Variants in HECW1 observed in about 807,000 individuals in gnomAD.
HECW1 encodes E3 ubiquitin-protein ligase HECW1.
HECW1 carries 61 observed loss-of-function variants against 182.3 expected under a neutral mutation model. The ratio of observed to expected loss-of-function variants is 0.33; its 90% CI spans 0.27 to 0.41. HECW1 has a LOEUF of 0.41. Among genes scored for constraint, HECW1 ranks in the 10% least tolerant of loss-of-function variants. The pLI is 1.00. For missense variants in HECW1, 1,739 were observed against 2,108.9 expected (o/e 0.82, Z 3.44); for synonymous variants, 859 against 832.6 (o/e 1.03, Z -0.55).
chr7:43,147,463 A>T (rs879910778), intron 2 of HECW1: 1 of 152,220 alleles, frequency 6.6e-6, no homozygotes, highest in African/African-American at 2.4e-5. Context: ...ATGAAATGAA[A>T]CCATAGATAA....
chr7:43,538,714 C>T (rs1381046741), intron 24 of HECW1, among the ~76,000 whole-genome samples: 1 of 152,162 alleles, frequency 6.6e-6, no homozygotes, highest in Non-Finnish European at 1.5e-5. Context: ...TGACCAAAAC[C>T]ATAAAATAGA....
chr7:43,459,491 A>C (rs536519419), intron 13 of HECW1, among the ~76,000 whole-genome samples: 1 of 133,562 alleles, frequency 7.5e-6, no homozygotes, highest in African/African-American at 2.8e-5. Flanking sequence ...TAAGGGAAAT[A>C]GAAGTTTTAA....
At chr7:43,285,426 T>A (rs1403834154) in intron 3 of HECW1, among the ~76,000 whole-genome samples, 1 of 152,130 alleles carries the variant, frequency 6.6e-6, no homozygotes, top group Non-Finnish European at 1.5e-5. Context: ...CCTGCATAGG[T>A]CCATGAGGAT....
At chr7:43,163,390 G>A (rs527867960) in intron 2 of HECW1, among the ~76,000 whole-genome samples, 11 of 152,310 alleles carry the variant, frequency 7.2e-5, no homozygotes, top group Admixed American at 3.9e-4. Flanking sequence ...AGTGACAGAA[G>A]TGCTCATTGT....
intron 3 of HECW1, among the ~76,000 whole-genome samples, chr7:43,273,301 C>T (rs1292304676): frequency 1.3e-5 from 2 of 151,802 alleles, no homozygotes; most frequent in South Asian, 2.1e-4. Flanking sequence ...CAAACCTCCA[C>T]GTGTACCCCT....
intron 6 of HECW1, among the ~76,000 whole-genome samples, chr7:43,361,818 T>C (rs1436161877): frequency 1.4e-4 from 13 of 91,396 alleles, no homozygotes; most frequent in African/African-American, 7.3e-4. Context: ...ACTCTCTCTT[T>C]TTTTTTTTTT....
At chr7:43,368,783 A>C (rs1405014858) in intron 6 of HECW1, among the ~76,000 whole-genome samples, 5 of 152,202 alleles carry the variant, frequency 3.3e-5, no homozygotes, top group African/African-American at 4.8e-5. Context: ...TTCAGCTGCC[A>C]TAGTGTAGGG....
intron 16 of HECW1, among the ~76,000 whole-genome samples, chr7:43,473,115 C>T (rs1030933156): frequency 1.3e-5 from 2 of 152,160 alleles, no homozygotes; most frequent in Non-Finnish European, 2.9e-5. Context: ...TTAGTTCCCT[C>T]TAGAGCTGGT....
chr7:43,307,302 A>G (rs767443444), intron 3 of HECW1, among the ~76,000 whole-genome samples: 1 of 152,218 alleles, frequency 6.6e-6, no homozygotes, highest in Non-Finnish European at 1.5e-5. Flanking sequence ...TGGTCCTCCT[A>G]TCAGTTCATA....
chr7:43,448,482 G>C (rs2077132167), intron 11 of HECW1, among the ~76,000 whole-genome samples: 1 of 152,086 alleles, frequency 6.6e-6, no homozygotes, highest in Non-Finnish European at 1.5e-5. Flanking sequence ...GCTGTTCTGT[G>C]CCTCAGTTTC....
At chr7:43,535,317 A>T (rs2081137001) in intron 24 of HECW1, among the ~76,000 whole-genome samples, 1 of 152,234 alleles carries the variant, frequency 6.6e-6, no homozygotes, top group Non-Finnish European at 1.5e-5. Context: ...ACCCAGATGG[A>T]ACTATGAGAA....
intron 24 of HECW1, among the ~76,000 whole-genome samples, chr7:43,514,301 CT>C (rs59223768): frequency 1.0e-3 from 147 of 140,422 alleles, no homozygotes; most frequent in East Asian, 1.8e-3. Context: ...CTTTTCTTTT[CT>C]TTTTTTTTTT....
chr7:43,384,195 ATTACTACCGG>A, intron 6 of HECW1, among the ~76,000 whole-genome samples: 1 of 152,354 alleles, frequency 6.6e-6, no homozygotes. Flanking sequence ...TTTGTTGAGA[ATTACTACCGG>A]TTACTTCTAG....
At chr7:43,403,964 TTAAC>T (rs1308526777) in intron 7 of HECW1, among the ~76,000 whole-genome samples, 1 of 152,164 alleles carries the variant, frequency 6.6e-6, no homozygotes, top group Non-Finnish European at 1.5e-5. Context: ...TGAGAAGAAA[TTAAC>T]TATTCTCCTT....
intron 3 of HECW1, among the ~76,000 whole-genome samples, chr7:43,302,191 A>G (rs1806901790): frequency 6.6e-6 from 1 of 152,148 alleles, no homozygotes; most frequent in Non-Finnish European, 1.5e-5. Context: ...ACTGGCTTAC[A>G]ACAGCCTGAG....
rs190452716 is a variant in HECW1 at position 43,333,387 on chromosome 7, A to G, written c.460+12645A>G. On this transcript the variant is annotated intron_variant, in intron 5 of 29. Coordinates refer to ENST00000395891, the MANE Select transcript of HECW1 (RefSeq NM_015052.5). ...AACACAGGATTTCAATCGCTTCCTCACAGGTAAATCCAGAATCGCCCCTGT... is the reference window on the plus strand; with the variant it reads ...AACACAGGATTTCAATCGCTTCCTCGCAGGTAAATCCAGAATCGCCCCTGT... 1.4e-3 allele frequency among the ~76,000 whole-genome samples: 212 copies of G among 152,364 alleles called. 1 individual carries two copies. Among genetic ancestry groups the G allele is most frequent in the African/African-American group, 5.0e-3 (206 of 41,582 alleles).
chr7:43,463,522 C>A, intron 13 of HECW1, 138 bp from the exon 14 acceptor site: 1 of 751,750 alleles, frequency 1.3e-6, no homozygotes, highest in Non-Finnish European at 2.1e-6. Flanking sequence ...TTCTGGCTAT[C>A]TTGTGGGAAT....
intron 26 of HECW1, among the ~76,000 whole-genome samples, chr7:43,542,427 C>T (rs2081397429): frequency 6.6e-6 from 1 of 151,382 alleles, no homozygotes; most frequent in African/African-American, 2.4e-5. Flanking sequence ...TGTATATGCA[C>T]ATATATATAC....
intron 2 of HECW1, among the ~76,000 whole-genome samples, chr7:43,193,912 A>G (rs145133686): frequency 2.2e-4 from 34 of 152,340 alleles, no homozygotes; most frequent in African/African-American, 7.9e-4. Context: ...GCCCCCCACA[A>G]GAGACAGCTT....
Sources: gnomAD v4.1 joint callset for allele counts (sites outside exome capture counted in the v4.1 genomes callset) on GRCh38, gnomAD v4.1.1 for gene constraint, MANE v1.5 for transcripts, NCBI Gene and HGNC (gene_info 2026-07-23, HGNC 2026-07-21) for gene names.